Variants in DNAL4 observed in about 807,000 individuals in gnomAD.
DNAL4 encodes the protein dynein axonemal light chain 4.
DNAL4 carries 10 observed loss-of-function variants against 12.6 expected under a neutral mutation model. The observed-to-expected ratio is 0.79, with a 90% CI of 0.49 to 1.34. DNAL4 has a LOEUF of 1.34. Ranked by LOEUF, DNAL4 falls within the 40% of genes most tolerant of loss-of-function variation. DNAL4 has a pLI of 0.00. For synonymous variants in DNAL4, 46 were observed against 53.1 expected (o/e 0.87, Z 0.58); for missense variants, 128 against 138.1 (o/e 0.93, Z 0.37).
rs76400811 is a variant in DNAL4, at chr22:38,780,513, G to A, written c.153+413C>T. Reference sequence around the variant, plus strand: ...CCAGATTGATGAATGGCCTTCCTGCGTTGATGCCTGCTGGCCGTATCCCCA... The same window carrying A: ...CCAGATTGATGAATGGCCTTCCTGCATTGATGCCTGCTGGCCGTATCCCCA... On this transcript the variant is annotated intron_variant, in intron 3 of 3. Coordinates refer to ENST00000216068, the MANE Select transcript of DNAL4 (RefSeq NM_005740.3). 4.9e-3 allele frequency among the ~76,000 whole-genome samples: 743 copies of A among 152,290 alleles called. 5 individuals are homozygous for A. Among genetic ancestry groups the A allele is most frequent in the Middle Eastern group, 0.01 (3 of 294 alleles).
intron 2 of DNAL4, among the ~76,000 whole-genome samples, chr22:38,781,503 G>T (rs1464324258): frequency 6.6e-6 from 1 of 151,952 alleles, no homozygotes; most frequent in Non-Finnish European, 1.5e-5. Context: ...CCATCTCTGG[G>T]GTCTTGTGTG....
chr22:38,791,404 A>G (rs1339509414), intron 1 of DNAL4, among the ~76,000 whole-genome samples: 2 of 151,696 alleles, frequency 1.3e-5, no homozygotes, highest in African/African-American at 2.4e-5. Flanking sequence ...CCCAGGCTGG[A>G]GTGCAAAGCC....
At chr22:38,787,931 C>G (rs1476413588) in intron 1 of DNAL4, among the ~76,000 whole-genome samples, 2 of 152,188 alleles carry the variant, frequency 1.3e-5, no homozygotes, top group Non-Finnish European at 1.5e-5. Context: ...ATGGTAGAAC[C>G]AGGATCGGAA....
intron 2 of DNAL4, 97 bp from the exon 3 acceptor site, chr22:38,781,106 G>T: frequency 7.3e-7 from 1 of 1,370,246 alleles, no homozygotes; most frequent in Non-Finnish European, 1.0e-6. Flanking sequence ...GGCATGGACA[G>T]CAGGTAGCCT....
chr22:38,786,942 G>A (rs2093043118), intron 1 of DNAL4, among the ~76,000 whole-genome samples: 2 of 152,322 alleles, frequency 1.3e-5, no homozygotes, highest in Admixed American at 6.5e-5. Context: ...GGGTTAGGGT[G>A]TGTGGGAGGG....
In DNAL4 at chr22:38,779,698, C is replaced by T; in HGVS notation, c.154-85G>A. ...CCTTCTCCAGGAAGGAGAAGGCTGG[C>T]ACTGAGGTCTTGGCAAGAGAAAGGC... On this transcript the variant is annotated intron_variant, in intron 3 of 3. Transcript: ENST00000216068. The surrounding 1 kb of genome is among the most constrained non-coding windows in gnomAD (Gnocchi z 4.3). 1 of 1,474,216 alleles carries T rather than the reference C, an allele frequency of 6.8e-7. No homozygotes were observed. Among genetic ancestry groups the T allele is most frequent in the Non-Finnish European group, 9.1e-7 (1 of 1,099,256 alleles). 91.3% of individuals were successfully genotyped at this position (1,474,216 alleles called of 1,614,324 possible).
chr22:38,779,641 G>A lies in DNAL4; in HGVS notation c.154-28C>T. On this transcript the variant is annotated intron_variant, in intron 3 of 3. Transcript: ENST00000216068. This position sits in a 1 kb window ranked among gnomAD's most constrained non-coding sequence, Gnocchi z 4.3. ...GGAAGGAAGAGGGCACTTATCAAGG[G>A]GGCGCAGGGCAGGTGGGGGCAGGAG... 1 of 1,581,192 alleles carries A rather than the reference G, an allele frequency of 6.3e-7. No homozygotes were observed. Among genetic ancestry groups the A allele is most frequent in the South Asian group, 1.2e-5 (1 of 86,892 alleles).
intron 1 of DNAL4, among the ~76,000 whole-genome samples, chr22:38,793,114 C>T (rs2093053542): frequency 6.6e-6 from 1 of 152,278 alleles, no homozygotes; most frequent in East Asian, 1.9e-4. Context: ...TATCTGTGGT[C>T]TTTCTTGACC....
At chr22:38,788,430 G>T (rs910259479) in intron 1 of DNAL4, among the ~76,000 whole-genome samples, 3 of 152,104 alleles carry the variant, frequency 2.0e-5, no homozygotes, top group Admixed American at 6.5e-5. Context: ...ATTTTGCTGC[G>T]GTCCAATGAA....
At chr22:38,786,490 C>A (rs908630216) in intron 1 of DNAL4, among the ~76,000 whole-genome samples, 1 of 152,182 alleles carries the variant, frequency 6.6e-6, no homozygotes, top group Non-Finnish European at 1.5e-5. Flanking sequence ...ACCCGGGAGA[C>A]AGAGATTGCG....
intron 1 of DNAL4, among the ~76,000 whole-genome samples, chr22:38,788,444 T>C (rs978731769): frequency 6.6e-6 from 1 of 152,106 alleles, no homozygotes; most frequent in African/African-American, 2.4e-5. Flanking sequence ...CAATGAAAAC[T>C]TAATGTGCCT....
chr22:38,790,552 CAGATGG>C (rs916616096), intron 1 of DNAL4, among the ~76,000 whole-genome samples: 37 of 152,264 alleles, frequency 2.4e-4, no homozygotes, highest in African/African-American at 8.7e-4. Context: ...GTAAGATACG[CAGATGG>C]AGGTATCTAG....
At chr22:38,792,039 A>T (rs2093051459) in intron 1 of DNAL4, among the ~76,000 whole-genome samples, 1 of 151,998 alleles carries the variant, frequency 6.6e-6, no homozygotes, top group African/African-American at 2.4e-5. Context: ...ACCGTAAAAA[A>T]TTTACGTAAA....
chr22:38,788,478 A>G (rs993579145), intron 1 of DNAL4, among the ~76,000 whole-genome samples: 2 of 152,092 alleles, frequency 1.3e-5, no homozygotes, highest in African/African-American at 4.8e-5. Context: ...GAGTGGAGGG[A>G]AGGAGAGGAG....
chr22:38,789,319 G>A (rs2093047018), intron 1 of DNAL4, among the ~76,000 whole-genome samples: 2 of 152,122 alleles, frequency 1.3e-5, no homozygotes, highest in East Asian at 1.9e-4. Flanking sequence ...AGGCTGGAGT[G>A]CGGTGGCATG....
intron 1 of DNAL4, among the ~76,000 whole-genome samples, chr22:38,786,905 T>G (rs2093043051): frequency 6.6e-6 from 1 of 152,216 alleles, no homozygotes; most frequent in African/African-American, 2.4e-5. Context: ...ATTCTGTGTC[T>G]GAAGCGTCTG....
intron 1 of DNAL4, chr22:38,785,925 T>C (rs934218027): frequency 6.6e-6 from 1 of 152,246 alleles, no homozygotes; most frequent in African/African-American, 2.4e-5. Context: ...TTGGTCACCA[T>C]GATTCAGCCA....
At chr22:38,780,639 G>A (rs752200343) in intron 3 of DNAL4, 5 of 429,560 alleles carry the variant, frequency 1.2e-5, no homozygotes, top group Admixed American at 3.8e-5. Context: ...ATGGAACCAC[G>A]GGGAAAGGCA....
intron 3 of DNAL4, 185 bp downstream of exon 3, chr22:38,780,741 G>A (rs928849581): frequency 1.3e-5 from 8 of 592,640 alleles, no homozygotes; most frequent in Admixed American, 3.1e-5. Flanking sequence ...GGGTGTGACC[G>A]TCAGTGCCTG....
Sources: allele counts gnomAD v4.1 joint callset (sites outside exome capture counted in the v4.1 genomes callset), GRCh38; gene constraint gnomAD v4.1.1; non-coding constraint Gnocchi (gnomAD v3.1); transcripts MANE v1.5; gene names NCBI Gene and HGNC (gene_info 2026-07-23, HGNC 2026-07-21).